NLRP14: variants seen among roughly 807,000 people sequenced by gnomAD.
The protein encoded by NLRP14 is NACHT, LRR and PYD domains-containing protein 14.
In NLRP14, 105 loss-of-function variants were observed where a neutral mutation model predicts 94.7. That is an observed-to-expected ratio of 1.11 (90% CI 0.95 to 1.30). The LOEUF is 1.30. NLRP14 is among the 50% of genes most tolerant of loss of function. The pLI, the probability that NLRP14 is intolerant of heterozygous loss-of-function variation, is 0.00. For synonymous variants in NLRP14, 508 were observed against 459.9 expected, an observed-to-expected ratio of 1.10 and a Z score of -1.34; for missense variants, 1,362 against 1,254.1, an observed-to-expected ratio of 1.09 and a Z score of -1.30.
chr11:7,022,382 T>TG (rs1449847827), intron 1 of NLRP14, among the ~76,000 whole-genome samples: 2 of 152,302 alleles, frequency 1.3e-5, no homozygotes, highest in Admixed American at 1.3e-4. Flanking sequence ...TCCAAGATGT[T>TG]GCAGATTCTT....
At chr11:7,020,799 G>C (rs1366202670) in intron 1 of NLRP14, 29 bp downstream of exon 1, 2 of 152,390 alleles carry the variant, frequency 1.3e-5, no homozygotes, top group Non-Finnish European at 2.9e-5. Context: ...CCGTCCTATT[G>C]TTGCCAGACA....
chr11:7,055,135 C>A (rs956210243), intron 6 of NLRP14, among the ~76,000 whole-genome samples: 6 of 152,074 alleles, frequency 3.9e-5, no homozygotes, highest in Non-Finnish European at 8.8e-5. Flanking sequence ...TTTATCCCTG[C>A]ATGTTGTATT....
intron 10 of NLRP14, among the ~76,000 whole-genome samples, chr11:7,065,026 A>G (rs1852684103): frequency 1.3e-5 from 2 of 152,160 alleles, no homozygotes; most frequent in South Asian, 4.1e-4. Flanking sequence ...GCACTACAGC[A>G]ATTCTTCCCA....
At chr11:7,090,344 A>G in the NLRP14 span, 1 of 1,541,824 alleles carries the variant, frequency 6.5e-7, no homozygotes, top group Admixed American at 2.0e-5. Context: ...AACGAAACTA[A>G]CAAAAAGAAG....
the NLRP14 span, among the ~76,000 whole-genome samples, chr11:7,081,745 C>A: frequency 2.0e-5 from 3 of 152,178 alleles, no homozygotes; most frequent in Non-Finnish European, 4.4e-5. Context: ...ACCCTCCCAG[C>A]ACATCCATGT....
chr11:7,025,146 G>A (rs370201810), intron 1 of NLRP14, among the ~76,000 whole-genome samples: 2 of 151,934 alleles, frequency 1.3e-5, no homozygotes, highest in East Asian at 3.9e-4. Flanking sequence ...GACATAAAAA[G>A]GTATAATTTC....
At chr11:7,064,618 T>G (rs746711243) in intron 10 of NLRP14, among the ~76,000 whole-genome samples, 2 of 152,214 alleles carry the variant, frequency 1.3e-5, no homozygotes, top group Non-Finnish European at 2.9e-5. Flanking sequence ...CATGGAGACC[T>G]TTGGTCTGGA....
intron 1 of NLRP14, among the ~76,000 whole-genome samples, chr11:7,026,710 T>G (rs1852020052): frequency 6.6e-6 from 1 of 150,900 alleles, no homozygotes; most frequent in Non-Finnish European, 1.5e-5. Flanking sequence ...TGCACACGTA[T>G]GTTTATTGCA....
downstream of NLRP14, among the ~76,000 whole-genome samples, chr11:7,075,477 T>G (rs1253490991): frequency 6.6e-6 from 1 of 152,210 alleles, no homozygotes; most frequent in Non-Finnish European, 1.5e-5. Context: ...TTCAGTCTCT[T>G]TGTGAGGTAG....
downstream of NLRP14, among the ~76,000 whole-genome samples, chr11:7,072,012 C>G (rs908899075): frequency 6.6e-6 from 1 of 152,170 alleles, no homozygotes; most frequent in East Asian, 1.9e-4. Context: ...CAGATTCTTT[C>G]ATTTGGCAAG....
chr11:7,071,936 T>A (rs966273209), downstream of NLRP14, among the ~76,000 whole-genome samples: 3 of 152,158 alleles, frequency 2.0e-5, no homozygotes, highest in Admixed American at 2.0e-4. Flanking sequence ...CTATAGCTTA[T>A]TGTAAAGATA....
At chr11:7,030,174 C>T (rs1038277780) in intron 1 of NLRP14, among the ~76,000 whole-genome samples, 1 of 152,208 alleles carries the variant, frequency 6.6e-6, no homozygotes, top group Non-Finnish European at 1.5e-5. Flanking sequence ...ATCTGAGAGG[C>T]AATTCTCAAT....
intron 10 of NLRP14, among the ~76,000 whole-genome samples, chr11:7,068,724 A>AT (rs1852745569): frequency 6.6e-6 from 1 of 152,170 alleles, no homozygotes; most frequent in South Asian, 2.1e-4. Flanking sequence ...TGATGTGATC[A>AT]TAGCTCACTG....
intron 1 of NLRP14, among the ~76,000 whole-genome samples, chr11:7,037,121 A>G (rs1589859186): frequency 6.6e-6 from 1 of 152,142 alleles, no homozygotes; most frequent in African/African-American, 2.4e-5. Flanking sequence ...GCTTTCCCTC[A>G]CCTACCATAT....
chr11:7,053,907 AT>A (rs1852479830), intron 6 of NLRP14, among the ~76,000 whole-genome samples: 1 of 151,934 alleles, frequency 6.6e-6, no homozygotes, highest in African/African-American at 2.4e-5. Context: ...ATTTCTAACT[AT>A]TTTTTTGTAC....
At chr11:7,071,974 A>T (rs1353455771), downstream of NLRP14, among the ~76,000 whole-genome samples, 1 of 152,246 alleles carries the variant, frequency 6.6e-6, no homozygotes, top group East Asian at 1.9e-4. Flanking sequence ...TTAAGGGAAT[A>T]TAAGGTTATT....
At chr11:7,044,726 A>C (rs1289086833) in intron 4 of NLRP14, among the ~76,000 whole-genome samples, 3 of 152,164 alleles carry the variant, frequency 2.0e-5, no homozygotes, top group African/African-American at 7.2e-5. Context: ...ATATAAAATT[A>C]ATTGAGGACT....
At chr11:7,060,798 G>T (rs1023858070) in intron 9 of NLRP14, among the ~76,000 whole-genome samples, 1 of 151,914 alleles carries the variant, frequency 6.6e-6, no homozygotes, top group Non-Finnish European at 1.5e-5. Context: ...GACATGATTT[G>T]GGGTTTCCTT....
intron 10 of NLRP14, among the ~76,000 whole-genome samples, chr11:7,069,326 G>C (rs2119718559): frequency 6.6e-6 from 1 of 152,236 alleles, no homozygotes; most frequent in South Asian, 2.1e-4. Context: ...CATCTATATA[G>C]GTACTCAGTT....
Sources: allele counts gnomAD v4.1 joint callset (sites outside exome capture counted in the v4.1 genomes callset), GRCh38; gene constraint gnomAD v4.1.1; transcripts MANE v1.5; gene names NCBI Gene and HGNC (gene_info 2026-07-23, HGNC 2026-07-21).